The following SEPTIN9 variants were observed in gnomAD, a reference collection of about 807,000 sequenced individuals.
SEPTIN9 encodes the protein septin 9, also known as septin-9.
In SEPTIN9, 13 loss-of-function variants were observed where a neutral mutation model predicts 56.6. The observed-to-expected ratio is 0.23, with a 90% CI of 0.15 to 0.37. The LOEUF (loss-of-function observed/expected upper bound fraction) is 0.37. SEPTIN9 is among the 10% of genes least tolerant of loss of function. The pLI is 1.00. For missense variants in SEPTIN9, 650 were observed against 823.1 expected (o/e 0.79, Z 2.57); for synonymous variants, 332 against 334.1 (o/e 0.99, Z 0.07).
intron 2 of SEPTIN9, among the ~76,000 whole-genome samples, chr17:77,360,039 C>G (rs1300883611): frequency 6.6e-6 from 1 of 151,890 alleles, no homozygotes; most frequent in African/African-American, 2.4e-5. Context: ...CACCTGTGAT[C>G]CCAGCTACTT....
intron 3 of SEPTIN9, among the ~76,000 whole-genome samples, chr17:77,416,110 C>T (rs1303213307): frequency 6.6e-6 from 1 of 152,340 alleles, no homozygotes; most frequent in Non-Finnish European, 1.5e-5. Context: ...GTTTGTTCAG[C>T]GTGGAATTTG....
chr17:77,423,423 G>A (rs2036775762), intron 3 of SEPTIN9, among the ~76,000 whole-genome samples: 1 of 152,220 alleles, frequency 6.6e-6, no homozygotes, highest in Non-Finnish European at 1.5e-5. Flanking sequence ...AGGAACCGGC[G>A]AGGCATCTCT....
chr17:77,423,807 G>A (rs565010603), intron 3 of SEPTIN9, among the ~76,000 whole-genome samples: 2 of 152,352 alleles, frequency 1.3e-5, no homozygotes, highest in South Asian at 4.1e-4. Flanking sequence ...AGTGGCAGGA[G>A]GTGGGGGTTG....
At chr17:77,294,997 T>C (rs2031743727) in intron 1 of SEPTIN9, 1 of 152,122 alleles carries the variant, frequency 6.6e-6, no homozygotes, top group Non-Finnish European at 1.5e-5. Context: ...ACTACATAAA[T>C]ATAACCCGAC....
intron 2 of SEPTIN9, among the ~76,000 whole-genome samples, chr17:77,351,935 G>A (rs1326709309): frequency 6.6e-6 from 1 of 152,250 alleles, no homozygotes; most frequent in East Asian, 1.9e-4. Context: ...GTGGGAAAAT[G>A]CACTGACACT....
At chr17:77,399,269 G>A (rs1351055459) in intron 2 of SEPTIN9, among the ~76,000 whole-genome samples, 27 of 152,218 alleles carry the variant, frequency 1.8e-4, no homozygotes, top group Non-Finnish European at 2.9e-5. Context: ...CCAAGGAGGG[G>A]GTTCACCGGA....
At position 77,330,053 on chromosome 17, in the gene SEPTIN9, C is replaced by T. The variant is rs572447624; in HGVS notation, c.76+22856C>T. On this transcript the variant is annotated intron_variant, in intron 2 of 11. Transcript: ENST00000427177. This position sits in a 1 kb window ranked among gnomAD's most constrained non-coding sequence, Gnocchi z 4.4. ...CCCTGTGCTCACCTTCTGCTTCCTT[C>T]CTCTCCCTCGGAATGGGGGGTGGAC... Among the ~76,000 whole-genome samples the T allele has an allele frequency of 6.6e-6, 1 of 152,340 alleles. No homozygotes were observed. The highest frequency in any genetic ancestry group is 1.9e-4 in the East Asian group (1 of 5,182).
At chr17:77,494,940 T>G (rs1248361047) in intron 10 of SEPTIN9, among the ~76,000 whole-genome samples, 2 of 152,252 alleles carry the variant, frequency 1.3e-5, no homozygotes, top group African/African-American at 4.8e-5. Context: ...AGTATCCGCC[T>G]GTGGTGTCAG....
At position 77,371,243 on chromosome 17, in the gene SEPTIN9, CGAAG is replaced by C. The variant is rs2034711070; in HGVS notation, c.77-30814_77-30811del. On this transcript the variant is annotated intron_variant, in intron 2 of 11. Coordinates refer to ENST00000427177, the MANE Select transcript of SEPTIN9 (RefSeq NM_001113491.2). This position sits in a 1 kb window ranked among gnomAD's most constrained non-coding sequence, Gnocchi z 4.1. ...AGCCGGTGGGCTCTGAGCACAGTCACGAAGGCATGCGCACTTTCTGGCTGCTCTC... is the reference window on the plus strand; with the variant it reads ...AGCCGGTGGGCTCTGAGCACAGTCACGCATGCGCACTTTCTGGCTGCTCTC... Among the ~76,000 whole-genome samples the C allele has an allele frequency of 6.6e-6, 1 of 152,142 alleles. No homozygotes were observed.
intron 3 of SEPTIN9, among the ~76,000 whole-genome samples, chr17:77,432,005 G>A (rs1386511481): frequency 6.6e-6 from 1 of 152,166 alleles, no homozygotes; most frequent in African/African-American, 2.4e-5. Flanking sequence ...TTAGAAACAG[G>A]TTGGGGAGGT....
At chr17:77,401,577 C>G (rs1439746979) in intron 2 of SEPTIN9, among the ~76,000 whole-genome samples, 1 of 152,096 alleles carries the variant, frequency 6.6e-6, no homozygotes, top group Non-Finnish European at 1.5e-5. Context: ...GAAACCCCAT[C>G]TCTACTAAAA....
intron 3 of SEPTIN9, among the ~76,000 whole-genome samples, chr17:77,472,082 A>C (rs1215065009): frequency 6.6e-6 from 1 of 152,186 alleles, no homozygotes; most frequent in East Asian, 1.9e-4. Context: ...TGCAGGTCAG[A>C]GCTTGCTCTG....
Position 77,319,245 on chromosome 17 carries a change from C to A in SEPTIN9, c.76+12048C>A, listed in dbSNP as rs1029262299. ...CACCCCAGGGACCCACATTGTAAAC[C>A]CCCACCTGCTCTGCTGAGCCCTTGG... On this transcript the variant is annotated intron_variant, in intron 2 of 11. Coordinates refer to ENST00000427177, the MANE Select transcript of SEPTIN9 (RefSeq NM_001113491.2). The surrounding 1 kb of genome is among the most constrained non-coding windows in gnomAD (Gnocchi z 5.3). Among the ~76,000 whole-genome samples, 1 of 152,216 alleles carries A rather than the reference C, an allele frequency of 6.6e-6. No individual in the cohort carries two copies. Among genetic ancestry groups the A allele is most frequent in the Non-Finnish European group, 1.5e-5 (1 of 68,038 alleles).
chr17:77,288,160 G>A, intron 1 of SEPTIN9: 1 of 1,060,790 alleles, frequency 9.4e-7, no homozygotes, highest in East Asian at 5.1e-5. Context: ...AGGGGTCCAG[G>A]CAGGAGTGTC....
chr17:77,487,496 A>G lies in SEPTIN9; in HGVS notation c.986A>G (p.Gln329Arg), dbSNP rs1483734817. Reference sequence around the variant, plus strand: ...TCCAAAATCAGCCGGAAGTCGGTGCAGCCCACCTCAGAGGAGCGCATCCCC... The same window carrying G: ...TCCAAAATCAGCCGGAAGTCGGTGCGGCCCACCTCAGAGGAGCGCATCCCC... Reference protein sequence around the residue: ...FKSKISRKSVQPTSEERIPKT... With the variant: ...FKSKISRKSVRPTSEERIPKT... The change falls in exon 5 of 12, where the codon CAG becomes CGG. Residue 329 changes from glutamine to arginine, a missense_variant. Gln to Arg is a conservative substitution (Grantham distance 43). Around this residue, in one of 2 missense-constraint regions of SEPTIN9, gnomAD observed 333 missense variants for 494.0 expected, o/e 0.67. Transcript: ENST00000427177. The surrounding 1 kb of genome is among the most constrained non-coding windows in gnomAD (Gnocchi z 4.3). 8.1e-6 allele frequency: 13 copies of G among 1,613,298 alleles called. No individual in the cohort carries two copies. Among genetic ancestry groups the G allele is most frequent in the Non-Finnish European group, 1.1e-5 (13 of 1,179,800 alleles).
At chr17:77,324,804 G>A (rs1005442276) in intron 2 of SEPTIN9, among the ~76,000 whole-genome samples, 7 of 146,214 alleles carry the variant, frequency 4.8e-5, no homozygotes, top group Non-Finnish European at 1.0e-4. Flanking sequence ...CGTTGTTAGT[G>A]CCCTTTGATA....
intron 2 of SEPTIN9, among the ~76,000 whole-genome samples, chr17:77,361,355 T>C (rs149490792): frequency 3.1e-4 from 47 of 152,304 alleles, no homozygotes; most frequent in Non-Finnish European, 5.7e-4. Context: ...ACCATCTGCA[T>C]GTCACTCCCT....
At position 77,490,862 on chromosome 17, in the gene SEPTIN9, AG is replaced by A. The variant is rs1194218302; in HGVS notation, c.1380+6del. The A allele has an allele frequency of 3.8e-6, 6 of 1,566,592 alleles. No homozygotes were observed. Among genetic ancestry groups the A allele is most frequent in the Non-Finnish European group, 3.5e-6 (4 of 1,154,606 alleles). On this transcript the variant is annotated splice_donor_region_variant and intron_variant, in intron 8 of 11. Transcript: ENST00000427177. Reference sequence around the variant, plus strand: ...AGAGGGTCCACTTCAAACAGCGGGTAGGGTTCCATCTCTACTTGCCCCAGCC... The same window carrying A: ...AGAGGGTCCACTTCAAACAGCGGGTAGGTTCCATCTCTACTTGCCCCAGCC...
intron 3 of SEPTIN9, among the ~76,000 whole-genome samples, chr17:77,455,780 T>C (rs566565028): frequency 1.3e-5 from 2 of 152,356 alleles, no homozygotes; most frequent in African/African-American, 4.8e-5. Flanking sequence ...TTTGAATGAA[T>C]GGTCAGCATT....
Sources: gnomAD v4.1 joint callset for allele counts (sites outside exome capture counted in the v4.1 genomes callset) on GRCh38, gnomAD v4.1.1 for gene constraint, gnomAD v4.1.1 regional missense constraint, Gnocchi (gnomAD v3.1) non-coding constraint, MANE v1.5 for transcripts, NCBI Gene and HGNC (gene_info 2026-07-23, HGNC 2026-07-21) for gene names.